SNX14: variants seen among roughly 807,000 people sequenced by gnomAD.
SNX14 encodes sorting nexin 14, also known as sorting nexin-14.
A neutral mutation model predicts 133.8 loss-of-function variants in SNX14; 93 were observed. The observed-to-expected ratio is 0.70, with a 90% confidence interval of 0.59 to 0.83. SNX14 has a LOEUF of 0.83. SNX14 is among the 40% of genes least tolerant of loss of function. The pLI, the probability that SNX14 is intolerant of heterozygous loss-of-function variation, is 0.00. For synonymous variants in SNX14, 368 were observed against 365.6 expected (o/e 1.01, Z -0.07); for missense variants, 945 against 1,094.9 (o/e 0.86, Z 1.93).
At chr6:85,561,356 A>G (rs1422739383) in intron 6 of SNX14, 1 of 152,156 alleles carries the variant, frequency 6.6e-6, no homozygotes, top group African/African-American at 2.4e-5. Context: ...TCAAAAAAAA[A>G]AAAAGAAAAG....
chr6:85,516,177 C>A (rs1582517161), intron 23 of SNX14, among the ~76,000 whole-genome samples: 1 of 152,160 alleles, frequency 6.6e-6, no homozygotes, highest in Non-Finnish European at 1.5e-5. Context: ...ATTTCATCTG[C>A]TGCAAAACAC....
At chr6:85,592,344 CT>C (rs1207330619) in intron 1 of SNX14, among the ~76,000 whole-genome samples, 1 of 152,198 alleles carries the variant, frequency 6.6e-6, no homozygotes, top group Non-Finnish European at 1.5e-5. Context: ...TACCAAATTC[CT>C]TGCGCATTCC....
chr6:85,566,488 G>A (rs990450356), intron 5 of SNX14, among the ~76,000 whole-genome samples: 1 of 151,688 alleles, frequency 6.6e-6, no homozygotes, highest in Non-Finnish European at 1.5e-5. Context: ...ACTTGAAGTC[G>A]GGAGTTTGAG....
chr6:85,590,162 C>A (rs925348571), intron 1 of SNX14, among the ~76,000 whole-genome samples: 3 of 152,172 alleles, frequency 2.0e-5, no homozygotes, highest in African/African-American at 7.2e-5. Context: ...GTTGTCCAGG[C>A]CTCCTTATAC....
rs891085741 is a variant in SNX14 at position 85,507,266 on chromosome 6, A to G, written c.2769T>C (p.Ile923=). The G allele has an allele frequency of 4.3e-6, 7 of 1,611,074 alleles. No homozygotes were observed. Among genetic ancestry groups the G allele is most frequent in the African/African-American group, 1.3e-5 (1 of 74,738 alleles). The change falls in exon 28 of 29, where the codon ATT becomes ATC. Residue 923 remains isoleucine, a synonymous_variant. Coordinates refer to ENST00000314673, the MANE Select transcript of SNX14 (RefSeq NM_153816.6). The part of the protein sequence containing the change: ...NKQLTYVLLD[I]VIQELFPELN... ...GCTCTGGAAACAGTTCCTGTATCAC[A>G]ATGTCCAATAAAACATAAGTCAGCT...
intron 1 of SNX14, 150 bp downstream of exon 1, chr6:85,593,429 G>T (rs1446466655): frequency 1.6e-6 from 2 of 1,226,418 alleles, no homozygotes; most frequent in East Asian, 2.9e-5. Flanking sequence ...GCTCCGCCGT[G>T]CTCCCCGAGG....
At chr6:85,574,762 G>A (rs1042542462) in intron 1 of SNX14, among the ~76,000 whole-genome samples, 5 of 151,912 alleles carry the variant, frequency 3.3e-5, no homozygotes, top group Non-Finnish European at 5.9e-5. Flanking sequence ...ACAGAGGTAG[G>A]CCCTGGGAAT....
chr6:85,542,825 G>A (rs1181916955), intron 14 of SNX14, among the ~76,000 whole-genome samples: 1 of 152,102 alleles, frequency 6.6e-6, no homozygotes, highest in Non-Finnish European at 1.5e-5. Flanking sequence ...GAGTTGTAGT[G>A]GTGTGATCTC....
chr6:85,579,288 G>A (rs1317362587), intron 1 of SNX14, among the ~76,000 whole-genome samples: 1 of 152,108 alleles, frequency 6.6e-6, no homozygotes, highest in African/African-American at 2.4e-5. Flanking sequence ...AGAGATAACT[G>A]AAATGACAGC....
chr6:85,509,711 G>A (rs966173795), intron 26 of SNX14, among the ~76,000 whole-genome samples: 11 of 152,048 alleles, frequency 7.2e-5, no homozygotes, highest in African/African-American at 2.2e-4. Context: ...ATTGGAGTTC[G>A]TTCTTGGTGT....
At chr6:85,589,627 G>C (rs1366751589) in intron 1 of SNX14, 2 of 152,148 alleles carry the variant, frequency 1.3e-5, no homozygotes, top group East Asian at 3.8e-4. Context: ...ATGTCTACTG[G>C]CTCTTGAATT....
intron 5 of SNX14, among the ~76,000 whole-genome samples, chr6:85,566,641 T>G (rs533682495): frequency 6.6e-6 from 1 of 151,414 alleles, no homozygotes; most frequent in South Asian, 2.1e-4. Context: ...GAGGTTGCAG[T>G]GAGCTGAGGT....
intron 16 of SNX14, 120 bp from the exon 17 acceptor site, chr6:85,537,044 C>G (rs977642255): frequency 2.4e-5 from 25 of 1,040,622 alleles, no homozygotes; most frequent in Non-Finnish European, 3.2e-5. Flanking sequence ...AAAGGTATAG[C>G]TAACATAACT....
In SNX14 at chr6:85,517,813, A is replaced by T. The variant is rs1354824545; in HGVS notation, c.2211T>A (p.Pro737=). ...TGGTCAGTTCTGGTCTACTTGGTTT[A>T]GGCTTTGGAGACTCACAAGAATTAA... ...NFINSCESPK[P]KPSRPELTIL... Residue 737 remains proline (P), a synonymous_variant, in exon 23 of 29, where the codon CCT becomes CCA. Coordinates refer to ENST00000314673, the MANE Select transcript of SNX14 (RefSeq NM_153816.6). 3 of 1,611,596 alleles carry T rather than the reference A, an allele frequency of 1.9e-6. No homozygotes were observed. Among genetic ancestry groups the T allele is most frequent in the Non-Finnish European group, 2.5e-6 (3 of 1,179,284 alleles).
At chr6:85,562,681 C>T (rs1197936137) in intron 6 of SNX14, among the ~76,000 whole-genome samples, 1 of 148,008 alleles carries the variant, frequency 6.8e-6, no homozygotes, top group Non-Finnish European at 1.5e-5. Context: ...CTTCCACCGC[C>T]CAGGTTCAAG....
intron 2 of SNX14, 55 bp from the exon 3 acceptor site, chr6:85,572,429 A>T (rs971387263): frequency 3.1e-6 from 4 of 1,310,784 alleles, no homozygotes; most frequent in Non-Finnish European, 4.3e-6. Flanking sequence ...TAACATCTTT[A>T]TTTAAAAGAA....
intron 6 of SNX14, among the ~76,000 whole-genome samples, chr6:85,560,903 G>A (rs1008289732): frequency 3.3e-4 from 50 of 151,218 alleles, no homozygotes; most frequent in Admixed American, 2.4e-3. Flanking sequence ...GCATGGTGGC[G>A]GGCACCTGTA....
chr6:85,566,344 G>A lies in SNX14; in HGVS notation c.462-925C>T, dbSNP rs536304954. ...CTCCAGGAAAATATGGCATAGAAACGATATTAAATTTGTCTTAAACACTCT... is the reference window on the plus strand; with the variant it reads ...CTCCAGGAAAATATGGCATAGAAACAATATTAAATTTGTCTTAAACACTCT... On this transcript the variant is annotated intron_variant, in intron 5 of 28. Coordinates refer to ENST00000314673, the MANE Select transcript of SNX14 (RefSeq NM_153816.6). Among the ~76,000 whole-genome samples, 91 of 151,608 alleles carry A rather than the reference G, an allele frequency of 6.0e-4. 1 individual carries two copies. Among genetic ancestry groups the A allele is most frequent in the Non-Finnish European group, 1.1e-3 (76 of 67,928 alleles).
At chr6:85,542,322 A>G (rs1407923383) in intron 14 of SNX14, among the ~76,000 whole-genome samples, 1 of 152,226 alleles carries the variant, frequency 6.6e-6, no homozygotes, top group African/African-American at 2.4e-5. Context: ...TTTGGTCCCA[A>G]TCTATCTACT....
Sources: gnomAD v4.1 joint callset for allele counts (sites outside exome capture counted in the v4.1 genomes callset) on GRCh38, gnomAD v4.1.1 for gene constraint, MANE v1.5 for transcripts, NCBI Gene and HGNC (gene_info 2026-07-23, HGNC 2026-07-21) for gene names.